Variants in ARMC2 observed in about 807,000 individuals in gnomAD.
ARMC2 encodes the protein armadillo repeat containing 2, also known as armadillo repeat-containing protein 2.
A neutral mutation model predicts 90.3 loss-of-function variants in ARMC2; 67 were observed. The observed-to-expected ratio is 0.74, with a 90% CI of 0.61 to 0.91. ARMC2 has a LOEUF of 0.91. Ranked by LOEUF, ARMC2 falls within the 40% of genes least tolerant of loss-of-function variation. The pLI is 0.00. For missense variants in ARMC2, 920 were observed against 1,030.9 expected (o/e 0.89, Z 1.47); for synonymous variants, 393 against 393.0 (o/e 1.00, Z 0.00).
At chr6:108,882,145 AAAAG>A (rs1388281071) in intron 5 of ARMC2, among the ~76,000 whole-genome samples, 10 of 152,240 alleles carry the variant, frequency 6.6e-5, no homozygotes, top group Admixed American at 2.0e-4. Context: ...TTAAAAAAAA[AAAAG>A]AAAGGGTTCA....
At chr6:108,899,498 C>T (rs1771915441) in intron 6 of ARMC2, among the ~76,000 whole-genome samples, 196 bp from the exon 7 acceptor site, 2 of 152,108 alleles carry the variant, frequency 1.3e-5, no homozygotes, top group Admixed American at 1.3e-4. Flanking sequence ...TTTACATTAT[C>T]CAGTCTGAGT....
At chr6:108,907,458 CTTTTTT>C (rs759986578) in intron 8 of ARMC2, among the ~76,000 whole-genome samples, 6 of 104,454 alleles carry the variant, frequency 5.7e-5, no homozygotes, top group African/African-American at 1.0e-4. Flanking sequence ...TTCTTTCTTT[CTTTTTT>C]TTTTTTTTTT....
At chr6:109,010,954 T>C in the ARMC2 span, among the ~76,000 whole-genome samples, 1 of 152,206 alleles carries the variant, frequency 6.6e-6, no homozygotes, top group Non-Finnish European at 1.5e-5. Flanking sequence ...GTTGGACACA[T>C]AAATGCACTT....
chr6:108,916,311 C>A (rs1773965867), intron 10 of ARMC2, among the ~76,000 whole-genome samples: 1 of 152,134 alleles, frequency 6.6e-6, no homozygotes, highest in Non-Finnish European at 1.5e-5. Context: ...ATCCCTGTAT[C>A]CAGATAATAG....
chr6:108,870,580 G>A (rs1025758578), intron 4 of ARMC2, among the ~76,000 whole-genome samples: 4 of 149,422 alleles, frequency 2.7e-5, no homozygotes, highest in African/African-American at 9.8e-5. Flanking sequence ...AGGGAAGGAG[G>A]AAAGGAAAGA....
intron 4 of ARMC2, 67 bp downstream of exon 4, chr6:108,869,062 TA>T: frequency 6.8e-7 from 1 of 1,462,086 alleles, no homozygotes; most frequent in Non-Finnish European, 9.1e-7. Context: ...ACACAAAAGC[TA>T]ATTTTATATG....
chr6:108,952,042 G>A lies in ARMC2; in HGVS notation c.1597-991G>A, dbSNP rs189511737. On this transcript the variant is annotated intron_variant, in intron 12 of 17. Coordinates refer to ENST00000392644, the MANE Select transcript of ARMC2 (RefSeq NM_032131.6). ...CATGTGACCTGGGCAGCTTCTCCAG[G>A]CCCTAGTTTCTTGTCTATAAAATGG... is the stretch of plus-strand genomic sequence containing the variant. 2.0e-5 allele frequency among the ~76,000 whole-genome samples: 3 copies of A among 152,278 alleles called. No homozygotes were observed. The East Asian group carries it at 5.8e-4, about 29-fold the overall frequency.
At chr6:108,889,602 G>A (rs1406702377) in intron 5 of ARMC2, among the ~76,000 whole-genome samples, 2 of 151,880 alleles carry the variant, frequency 1.3e-5, no homozygotes, top group South Asian at 2.1e-4. Context: ...CACCATGCTA[G>A]ATAGTTTTAA....
chr6:109,030,109 G>A, the ARMC2 span, among the ~76,000 whole-genome samples: 6 of 152,216 alleles, frequency 3.9e-5, no homozygotes, highest in Non-Finnish European at 5.9e-5. Flanking sequence ...TCTTAGACAC[G>A]TGTCTGCTTC....
the ARMC2 span, chr6:109,000,022 G>A: frequency 6.6e-6 from 1 of 152,262 alleles, no homozygotes; most frequent in Non-Finnish European, 1.5e-5. Context: ...CTAGATGAAA[G>A]AAGCCAGTCT....
chr6:108,884,199 A>G (rs1777858304), intron 5 of ARMC2, among the ~76,000 whole-genome samples: 1 of 151,852 alleles, frequency 6.6e-6, no homozygotes, highest in South Asian at 2.1e-4. Context: ...GTTGAGAGAT[A>G]GAAGAGTGGA....
chr6:108,912,391 T>C lies in ARMC2; in HGVS notation c.1183T>C (p.Leu395=), dbSNP rs151110107. 351 of 1,613,216 alleles carry C rather than the reference T, an allele frequency of 2.2e-4. 1 individual carries two copies. Among genetic ancestry groups the C allele is most frequent in the South Asian group, 4.1e-4 (37 of 90,788 alleles). The change falls in exon 10 of 18, where the codon TTA becomes CTA. Residue 395 remains leucine, a synonymous_variant. Transcript: ENST00000392644. ...CCTGCAAACTAACATGGAAGCTTTT[T>C]TATACTGTATGGGGTCTATAAAGTT... The part of the protein sequence containing the change: ...EDLQTNMEAF[L]YCMGSIKFIS...
chr6:108,953,292 G>C lies in ARMC2; in HGVS notation c.1856G>C (p.Gly619Ala). ...RVLANIAIHP[G>A]VGPVLAANPG... ...CTGGCCAACATTGCCATCCACCCGG[G>C]CGTGGGCCCGGTGCTGGCCGCCAAC... is the stretch of plus-strand genomic sequence containing the variant. The change falls in exon 13 of 18, where the codon GGC (glycine) becomes GCC (alanine). Residue 619 changes from glycine (G) to alanine (A), a missense_variant. Gly to Ala is a moderately conservative substitution (Grantham distance 60, BLOSUM62 0). Coordinates refer to ENST00000392644, the MANE Select transcript of ARMC2 (RefSeq NM_032131.6). The C allele has an allele frequency of 6.2e-7, 1 of 1,611,684 alleles. No homozygotes were observed. The highest frequency in any genetic ancestry group is 8.5e-7 in the Non-Finnish European group (1 of 1,179,796).
At chr6:108,922,827 G>A (rs1774716113) in intron 10 of ARMC2, 1 of 152,234 alleles carries the variant, frequency 6.6e-6, no homozygotes. Context: ...GCACCAGAAA[G>A]TTGTCAAGTG....
At chr6:108,888,030 A>G (rs1279188362) in intron 5 of ARMC2, among the ~76,000 whole-genome samples, 2 of 152,190 alleles carry the variant, frequency 1.3e-5, no homozygotes, top group Non-Finnish European at 2.9e-5. Context: ...CGCTAATGTC[A>G]TTTTAGGCTG....
the ARMC2 span, among the ~76,000 whole-genome samples, chr6:109,044,849 C>A: frequency 2.0e-5 from 3 of 152,282 alleles, no homozygotes; most frequent in East Asian, 5.8e-4. Context: ...CATGAAGAAA[C>A]CCCATCTCTA....
chr6:109,018,954 A>G, the ARMC2 span, among the ~76,000 whole-genome samples: 11 of 152,190 alleles, frequency 7.2e-5, no homozygotes, highest in Non-Finnish European at 1.5e-4. Context: ...GCATATAAGA[A>G]AATATAGAAA....
intron 12 of ARMC2, among the ~76,000 whole-genome samples, chr6:108,938,086 A>C (rs12204948): frequency 0.11 from 17,302 of 152,262 alleles, 1,314 homozygotes; most frequent in South Asian, 0.2. Flanking sequence ...TTAAAGTGAC[A>C]TCAACTTAGT....
In ARMC2 at chr6:108,962,043, A is replaced by C; in HGVS notation, c.2068A>C (p.Met690Leu). ...CTTAAAGCTTCTTGTCAGTAACAAC[A>C]TGGATGGAATCCTGGAGGCTGTGCG... ...LLLKLLVSNNMDGILEAVRVF... is the reference protein window; with the variant it reads ...LLLKLLVSNNLDGILEAVRVF... Residue 690 changes from methionine (M) to leucine (L), a missense_variant, in exon 15 of 18, where the codon ATG (methionine) becomes CTG (leucine). Met to Leu is a conservative substitution (Grantham distance 15). Transcript: ENST00000392644. 2 of 1,613,160 alleles carry C rather than the reference A, an allele frequency of 1.2e-6. No homozygotes were observed.
Sources: gnomAD v4.1 joint callset for allele counts (sites outside exome capture counted in the v4.1 genomes callset) on GRCh38, gnomAD v4.1.1 for gene constraint, MANE v1.5 for transcripts, NCBI Gene and HGNC (gene_info 2026-07-23, HGNC 2026-07-21) for gene names.